The following ZCCHC7 variants were observed in gnomAD, a reference collection of about 807,000 sequenced individuals.
ZCCHC7 encodes zinc finger CCHC domain-containing protein 7.
A neutral mutation model predicts 52.0 loss-of-function variants in ZCCHC7; 35 were observed. That is an observed-to-expected ratio of 0.67 (90% CI 0.51 to 0.89). The LOEUF is 0.89. ZCCHC7 is among the 40% of genes least tolerant of loss of function. The pLI is 0.00. For synonymous variants in ZCCHC7, 217 were observed against 221.5 expected (o/e 0.98, Z 0.18); for missense variants, 574 against 649.1 (o/e 0.88, Z 1.26).
chr9:37,282,543 T>G (rs1828011003), intron 2 of ZCCHC7, among the ~76,000 whole-genome samples: 1 of 144,922 alleles, frequency 6.9e-6, no homozygotes, highest in Admixed American at 7.2e-5. Context: ...AGGCAGAGCT[T>G]GCAGTGAGCC....
intron 2 of ZCCHC7, among the ~76,000 whole-genome samples, chr9:37,256,713 A>G (rs1826605498): frequency 6.6e-6 from 1 of 152,190 alleles, no homozygotes; most frequent in South Asian, 2.1e-4. Flanking sequence ...ATTATGTTAC[A>G]AAATTATGCA....
intron 2 of ZCCHC7, among the ~76,000 whole-genome samples, chr9:37,162,581 T>C (rs1404745635): frequency 2.6e-5 from 4 of 152,228 alleles, no homozygotes; most frequent in African/African-American, 9.6e-5. Context: ...CTTTTTATTA[T>C]ATATTGATTG....
chr9:37,154,657 T>C (rs188391812), intron 2 of ZCCHC7, among the ~76,000 whole-genome samples: 46 of 131,974 alleles, frequency 3.5e-4, no homozygotes, highest in Middle Eastern at 4.1e-3. Flanking sequence ...GATTTTTCTG[T>C]TTTTTGTTTT....
At position 37,310,799 on chromosome 9, in the gene ZCCHC7, A is replaced by T. The variant is rs796293632; in HGVS notation, c.951+5085A>T. ...ACTCCCACTCTTTACCAAAAAAAAAATTTAAAAATTAGCCAGGCAGGGTGG... is the reference window on the plus strand; with the variant it reads ...ACTCCCACTCTTTACCAAAAAAAAATTTTAAAAATTAGCCAGGCAGGGTGG... On this transcript the variant is annotated intron_variant, in intron 5 of 8. Transcript: ENST00000336755. Among the ~76,000 whole-genome samples, 5 of 151,376 alleles carry T rather than the reference A, an allele frequency of 3.3e-5. No individual in the cohort carries two copies. The South Asian group carries it at 8.3e-4, about 25-fold the overall frequency.
At chr9:37,176,047 CATTTGT>C (rs1005295638) in intron 2 of ZCCHC7, among the ~76,000 whole-genome samples, 5 of 150,046 alleles carry the variant, frequency 3.3e-5, no homozygotes, top group African/African-American at 1.2e-4. Flanking sequence ...TCTTAAGCCT[CATTTGT>C]TTTTGTTTGT....
chr9:37,195,270 G>A (rs1823232296), intron 2 of ZCCHC7, among the ~76,000 whole-genome samples: 1 of 152,076 alleles, frequency 6.6e-6, no homozygotes, highest in African/African-American at 2.4e-5. Context: ...TTTTGTAACA[G>A]CAGATCCCTT....
At chr9:37,158,729 T>G (rs1035305544) in intron 2 of ZCCHC7, among the ~76,000 whole-genome samples, 1 of 152,202 alleles carries the variant, frequency 6.6e-6, no homozygotes, top group Non-Finnish European at 1.5e-5. Context: ...CATCTTATTC[T>G]CCTTAGAATC....
At chr9:37,318,412 G>T (rs895877795) in intron 5 of ZCCHC7, among the ~76,000 whole-genome samples, 4 of 151,338 alleles carry the variant, frequency 2.6e-5, no homozygotes, top group Non-Finnish European at 4.4e-5. Context: ...AGTGAGCCGC[G>T]ATTGCACCAT....
rs1564278669 is a variant in ZCCHC7, at chr9:37,357,918, C to T, written c.*650C>T. ...TTTCCTAAACAAGTAAAAGAGACAT[C>T]AAAAATTTTAACATAATCACAATGA... On this transcript the variant is annotated 3_prime_UTR_variant, in exon 9 of 9. Transcript: ENST00000336755. The T allele has an allele frequency of 6.6e-6, 1 of 152,050 alleles. No homozygotes were observed. The highest frequency in any genetic ancestry group is 2.4e-5 in the African/African-American group (1 of 41,396). 9.4% of individuals were successfully genotyped at this position (152,050 alleles called of 1,614,324 possible).
At chr9:37,320,464 T>C (rs1359439640) in intron 5 of ZCCHC7, among the ~76,000 whole-genome samples, 2 of 152,224 alleles carry the variant, frequency 1.3e-5, no homozygotes, top group African/African-American at 4.8e-5. Flanking sequence ...TTGTCTGTAC[T>C]TACAATAATT....
At chr9:37,325,964 C>G (rs1830223784) in intron 5 of ZCCHC7, 5 of 152,176 alleles carry the variant, frequency 3.3e-5, no homozygotes, top group Non-Finnish European at 7.4e-5. Context: ...TGCTGCAACA[C>G]AAGAAAAGGT....
chr9:37,338,688 T>G (rs1414534926), intron 6 of ZCCHC7, among the ~76,000 whole-genome samples: 1 of 152,178 alleles, frequency 6.6e-6, no homozygotes, highest in Non-Finnish European at 1.5e-5. Context: ...AGATGCATTT[T>G]TTTACTATTT....
intron 2 of ZCCHC7, among the ~76,000 whole-genome samples, chr9:37,209,142 G>A (rs980098601): frequency 1.3e-5 from 2 of 151,896 alleles, no homozygotes; most frequent in Admixed American, 6.6e-5. Context: ...CCAGGTTCAC[G>A]CCATTTGCCT....
chr9:37,319,480 T>G (rs184053212), intron 5 of ZCCHC7, among the ~76,000 whole-genome samples: 1 of 152,160 alleles, frequency 6.6e-6, no homozygotes, highest in East Asian at 1.9e-4. Flanking sequence ...CAGGCTGGAG[T>G]GTAGTGGTGC....
chr9:37,281,607 A>G (rs1332218079), intron 2 of ZCCHC7, among the ~76,000 whole-genome samples: 1 of 152,234 alleles, frequency 6.6e-6, no homozygotes, highest in South Asian at 2.1e-4. Flanking sequence ...TGATTGTACT[A>G]TATCAATCTC....
chr9:37,166,284 T>C (rs1821415151), intron 2 of ZCCHC7, among the ~76,000 whole-genome samples: 1 of 152,036 alleles, frequency 6.6e-6, no homozygotes, highest in Non-Finnish European at 1.5e-5. Flanking sequence ...TAGTCCCAGG[T>C]ACTCGGGAGG....
At position 37,120,674 on chromosome 9, in the gene ZCCHC7, C is replaced by CT. The variant is rs934630630; in HGVS notation, c.-22+52dup. On this transcript the variant is annotated intron_variant, in intron 1 of 8. Coordinates refer to ENST00000336755, the MANE Select transcript of ZCCHC7 (RefSeq NM_032226.3). ...GCCGCCCGCGGCTCGGGACCCCTGC[C>CT]TACCCTCCTTCTTGCCCGCCGGGCT... 1.8e-5 allele frequency: 7 copies of CT among 383,768 alleles called. No homozygotes were observed. In the Admixed American group the frequency reaches 2.3e-4, roughly 12 times the overall value. 23.8% of individuals were successfully genotyped at this position (383,768 alleles called of 1,614,324 possible).
At chr9:37,243,558 T>C (rs1016710837) in intron 2 of ZCCHC7, among the ~76,000 whole-genome samples, 1 of 151,884 alleles carries the variant, frequency 6.6e-6, no homozygotes, top group African/African-American at 2.4e-5. Flanking sequence ...CAGAAACCAC[T>C]GTGCAGTATT....
intron 2 of ZCCHC7, among the ~76,000 whole-genome samples, chr9:37,190,329 A>G (rs1270462901): frequency 1.3e-5 from 2 of 151,644 alleles, no homozygotes; most frequent in African/African-American, 4.8e-5. Flanking sequence ...CTATCTAAGT[A>G]TTAGGAGATT....
Sources: gnomAD v4.1 joint callset for allele counts (sites outside exome capture counted in the v4.1 genomes callset) on GRCh38, gnomAD v4.1.1 for gene constraint, MANE v1.5 for transcripts, NCBI Gene and HGNC (gene_info 2026-07-23, HGNC 2026-07-21) for gene names.